Variants in PRKG1 observed in about 807,000 individuals in gnomAD.
PRKG1 encodes the protein protein kinase cGMP-dependent 1.
A neutral mutation model predicts 88.1 loss-of-function variants in PRKG1; 35 were observed. The ratio of observed to expected loss-of-function variants is 0.40; its 90% confidence interval spans 0.30 to 0.53. The LOEUF is 0.53. Among genes scored for constraint, PRKG1 ranks in the 20% least tolerant of loss-of-function variants. PRKG1 has a pLI of 0.59. For missense variants in PRKG1, 540 were observed against 839.8 expected, an observed-to-expected ratio of 0.64 and a Z score of 4.41; for synonymous variants, 303 against 292.5, an observed-to-expected ratio of 1.04 and a Z score of -0.37.
At chr10:52,041,036 A>G (rs1243354790) in intron 5 of PRKG1, among the ~76,000 whole-genome samples, 2 of 151,522 alleles carry the variant, frequency 1.3e-5, no homozygotes, top group Non-Finnish European at 2.9e-5. Flanking sequence ...ACGAGGTTTT[A>G]CCATGTTGGC....
chr10:51,128,015 C>T (rs1009950498), intron 1 of PRKG1, among the ~76,000 whole-genome samples: 8 of 152,046 alleles, frequency 5.3e-5, no homozygotes, highest in Non-Finnish European at 8.8e-5. Context: ...ACATGCAGGG[C>T]TTAAAACCTA....
rs756175586 is a variant in PRKG1, at chr10:52,287,502, AT to A, written c.1710-1223del. Among the ~76,000 whole-genome samples the A allele has an allele frequency of 1.1e-3, 171 of 152,186 alleles. 1 individual carries two copies. Among genetic ancestry groups the A allele is most frequent in the Admixed American group, 4.1e-3 (63 of 15,234 alleles). ...TTAATAAACATGAAAGGCAAAAAAA[AT>A]AATAATTCAGATTTCTTCCCCAAAG... is the stretch of plus-strand genomic sequence containing the variant. On this transcript the variant is annotated intron_variant, in intron 14 of 17. Transcript: ENST00000373980.
chr10:51,994,881 A>G (rs1844399202), intron 5 of PRKG1, among the ~76,000 whole-genome samples: 2 of 152,206 alleles, frequency 1.3e-5, no homozygotes. Context: ...TAAACTGACT[A>G]CAACACTGCA....
intron 2 of PRKG1, among the ~76,000 whole-genome samples, chr10:51,163,554 G>C (rs1003876571): frequency 6.6e-6 from 1 of 152,268 alleles, no homozygotes; most frequent in East Asian, 1.9e-4. Context: ...AGTGGGTGCC[G>C]CGCACCCGCA....
intron 3 of PRKG1, among the ~76,000 whole-genome samples, chr10:51,664,237 A>G (rs943793777): frequency 2.6e-5 from 4 of 152,194 alleles, no homozygotes; most frequent in East Asian, 1.9e-4. Context: ...TTGACAGAAT[A>G]TCATCAGTAT....
Position 51,945,250 on chromosome 10 carries a change from G to A in PRKG1, c.762+37680G>A, listed in dbSNP as rs11498016. Among the ~76,000 whole-genome samples the A allele has an allele frequency of 2.1e-5, 3 of 141,776 alleles. 1 individual carries two copies. In the South Asian group the frequency reaches 7.5e-4, roughly 35 times the overall value. The allele number at this position is 141,776 out of a possible 152,430, so 93.0% of individuals were successfully genotyped here. A position where few individuals can be genotyped will look rare whatever the true frequency, so the allele number is the denominator to read the frequency against. Reference sequence around the variant, plus strand: ...GTTTTGATCTTTGTTGGTTTAAAGTGTGTTTTATCAGAGACTAGGATTGCA... The same window carrying A: ...GTTTTGATCTTTGTTGGTTTAAAGTATGTTTTATCAGAGACTAGGATTGCA... On this transcript the variant is annotated intron_variant, in intron 5 of 17. Transcript: ENST00000373980.
chr10:51,394,908 T>C (rs1055271023), intron 2 of PRKG1, among the ~76,000 whole-genome samples: 2 of 152,208 alleles, frequency 1.3e-5, no homozygotes, highest in African/African-American at 4.8e-5. Flanking sequence ...TTTTTTGATA[T>C]ATATACCATG....
chr10:51,670,755 AATAAATAAAT>A (rs764047902), intron 3 of PRKG1, among the ~76,000 whole-genome samples: 6,126 of 118,226 alleles, frequency 0.052, 266 homozygotes, highest in Non-Finnish European at 0.084. Flanking sequence ...TAAATAAATA[AATAAATAAAT>A]AAATAAATAA....
chr10:51,181,009 A>G (rs1263954989), intron 2 of PRKG1, among the ~76,000 whole-genome samples: 1 of 151,994 alleles, frequency 6.6e-6, no homozygotes, highest in African/African-American at 2.4e-5. Context: ...TAACATCTTA[A>G]TCTTATTTAA....
chr10:51,757,522 T>C (rs1837901516), intron 3 of PRKG1, among the ~76,000 whole-genome samples: 1 of 152,174 alleles, frequency 6.6e-6, no homozygotes, highest in African/African-American at 2.4e-5. Context: ...AAATATGTAA[T>C]GCTTTCAATA....
chr10:51,007,439 A>G (rs1842952601), intron 1 of PRKG1, among the ~76,000 whole-genome samples: 1 of 152,220 alleles, frequency 6.6e-6, no homozygotes, highest in Non-Finnish European at 1.5e-5. Flanking sequence ...TATTAATGAT[A>G]AATTAACAGG....
At chr10:52,055,337 T>A (rs1846084872) in intron 6 of PRKG1, among the ~76,000 whole-genome samples, 1 of 152,210 alleles carries the variant, frequency 6.6e-6, no homozygotes, top group Non-Finnish European at 1.5e-5. Flanking sequence ...TACATTAATG[T>A]TTTAAGTTAT....
intron 5 of PRKG1, among the ~76,000 whole-genome samples, chr10:52,033,852 G>A (rs1370491839): frequency 6.6e-6 from 1 of 152,032 alleles, no homozygotes; most frequent in Non-Finnish European, 1.5e-5. Flanking sequence ...AGTCCGAAAA[G>A]AGAGTCAGTG....
At chr10:52,289,543 T>C (rs1259022083) in intron 16 of PRKG1, among the ~76,000 whole-genome samples, 2 of 152,160 alleles carry the variant, frequency 1.3e-5, no homozygotes, top group African/African-American at 2.4e-5. Context: ...GAAATTCACA[T>C]CCTTATCAAA....
At chr10:51,341,358 C>A (rs150473459) in intron 2 of PRKG1, among the ~76,000 whole-genome samples, 6 of 152,072 alleles carry the variant, frequency 3.9e-5, no homozygotes, top group East Asian at 1.9e-4. Context: ...TCACACCCTG[C>A]GGTTGAGCAA....
chr10:51,460,763 T>A (rs1839723876), intron 2 of PRKG1, among the ~76,000 whole-genome samples: 1 of 152,174 alleles, frequency 6.6e-6, no homozygotes, highest in Non-Finnish European at 1.5e-5. Context: ...TACAATAGGT[T>A]TAGTATGTTC....
At chr10:51,561,068 G>A (rs1837445738) in intron 3 of PRKG1, among the ~76,000 whole-genome samples, 1 of 151,536 alleles carries the variant, frequency 6.6e-6, no homozygotes, top group Non-Finnish European at 1.5e-5. Context: ...GTAACATAGT[G>A]AGACCCTGTA....
chr10:51,158,849 G>A (rs1846284802), intron 2 of PRKG1, among the ~76,000 whole-genome samples: 1 of 151,896 alleles, frequency 6.6e-6, no homozygotes, highest in Admixed American at 6.6e-5. Flanking sequence ...ATTCTTTCAA[G>A]TTATTACACA....
chr10:52,222,793 G>T (rs897910392), intron 9 of PRKG1, among the ~76,000 whole-genome samples: 1 of 152,172 alleles, frequency 6.6e-6, no homozygotes, highest in Non-Finnish European at 1.5e-5. Context: ...ACAGCTGTTT[G>T]TGTTTGGTGG....
Sources: gnomAD v4.1 joint callset for allele counts (sites outside exome capture counted in the v4.1 genomes callset) on GRCh38, gnomAD v4.1.1 for gene constraint, MANE v1.5 for transcripts, NCBI Gene and HGNC (gene_info 2026-07-23, HGNC 2026-07-21) for gene names.